NECAP2: variants seen among roughly 807,000 people sequenced by gnomAD.
NECAP2 encodes the protein adaptin ear-binding coat-associated protein 2.
NECAP2 carries 38 observed loss-of-function variants against 37.8 expected under a neutral mutation model. The ratio of observed to expected loss-of-function variants is 1.01; its 90% CI spans 0.78 to 1.32. The LOEUF (loss-of-function observed/expected upper bound fraction) is 1.32, where lower values mean the gene tolerates loss of function less well. NECAP2 is among the 40% of genes most tolerant of loss of function. The pLI is 0.00. For synonymous variants in NECAP2, 121 were observed against 127.7 expected (o/e 0.95, Z 0.35); for missense variants, 316 against 334.5 (o/e 0.94, Z 0.43).
chr1:16,458,858 A>G lies in NECAP2; in HGVS notation c.760A>G (p.Thr254Ala). ...TCTTTACAGATCAACTTCCAGCCAG[A>G]CCCAGCCAGGCACAGGCTGGGTCCA... ...TKSTGSTSSQTQPGTGWVQF is the reference protein window; with the variant it reads ...TKSTGSTSSQAQPGTGWVQF Residue 254 changes from threonine (T) to alanine (A), a missense_variant, in exon 8 of 8, where the codon ACC becomes GCC. Thr to Ala is a moderately conservative substitution (Grantham distance 58). This residue lies in a region of NECAP2 where 204 missense variants were observed against 188.6 expected (regional missense o/e 1.08). Transcript: ENST00000337132. 1 of 1,613,526 alleles carries G rather than the reference A, an allele frequency of 6.2e-7. No homozygotes were observed. Among genetic ancestry groups the G allele is most frequent in the Non-Finnish European group, 8.5e-7 (1 of 1,179,878 alleles).
chr1:16,447,809 T>G, intron 2 of NECAP2, 61 bp from the exon 3 acceptor site: 2 of 1,399,548 alleles, frequency 1.4e-6, no homozygotes, highest in East Asian at 4.6e-5. Context: ...AGTAGTGTGG[T>G]AGAAAACCTT....
chr1:16,457,289 C>T lies in NECAP2; in HGVS notation c.743+1396C>T, dbSNP rs924662068. Among the ~76,000 whole-genome samples the T allele has an allele frequency of 3.3e-5, 5 of 152,114 alleles. No homozygotes were observed. In the South Asian group the frequency reaches 8.3e-4, roughly 25 times the overall value. ...TGGCCAACATGGTCAAACCCCATCT[C>T]TACTAAATACACAAAAATTAGTTGG... On this transcript the variant is annotated intron_variant, in intron 7 of 7. Coordinates refer to ENST00000337132, the MANE Select transcript of NECAP2 (RefSeq NM_018090.5).
chr1:16,455,682 G>C (rs2086906212), intron 6 of NECAP2, 136 bp from the exon 7 acceptor site: 2 of 682,706 alleles, frequency 2.9e-6, no homozygotes, highest in African/African-American at 3.5e-5. Flanking sequence ...CATGTCTGGT[G>C]TGGCTTTCCC....
intron 4 of NECAP2, 52 bp downstream of exon 4, chr1:16,448,193 C>A: frequency 6.7e-7 from 1 of 1,496,150 alleles, no homozygotes; most frequent in South Asian, 1.1e-5. Flanking sequence ...TTTCCCTGGA[C>A]AGAATGATCT....
intron 2 of NECAP2, among the ~76,000 whole-genome samples, chr1:16,444,537 T>G (rs147764758): frequency 1.1e-3 from 160 of 152,352 alleles, no homozygotes; most frequent in Admixed American, 6.9e-3. Flanking sequence ...GGCCTTGGCC[T>G]CCTCCTTGTT....
At chr1:16,456,147 C>G (rs866553685) in intron 7 of NECAP2, among the ~76,000 whole-genome samples, 1 of 151,960 alleles carries the variant, frequency 6.6e-6, no homozygotes. Context: ...CCTCAGCCTC[C>G]TGAGTAGCTG....
chr1:16,444,289 A>G (rs7532070), intron 2 of NECAP2, among the ~76,000 whole-genome samples: 3,799 of 152,212 alleles, frequency 0.025, 70 homozygotes, highest in Middle Eastern at 0.041. Context: ...CCTCTGGGTG[A>G]GCTGTGGAGG....
chr1:16,443,703 C>T lies in NECAP2; in HGVS notation c.164C>T (p.Ala55Val), dbSNP rs779351472. The T allele has an allele frequency of 6.2e-7, 1 of 1,612,888 alleles. No individual in the cohort carries two copies. ...RLRITAKGQM[A>V]YIKLEDRTSG... ...AGGATCACTGCAAAGGGACAGATGG[C>T]CTACATCAAGCTGGAGGACAGGACG... Residue 55 changes from alanine (A) to valine (V), a missense_variant, in exon 2 of 8, where the codon GCC becomes GTC. Ala to Val is a moderately conservative substitution (Grantham distance 64, BLOSUM62 0). This residue lies in a region of NECAP2 where 81 missense variants were observed against 124.2 expected (regional missense o/e 0.65). Coordinates refer to ENST00000337132, the MANE Select transcript of NECAP2 (RefSeq NM_018090.5).
In NECAP2 at chr1:16,451,083, C is replaced by T. The variant is rs1268739326; in HGVS notation, c.490-755C>T. On this transcript the variant is annotated intron_variant, in intron 5 of 7. Coordinates refer to ENST00000337132, the MANE Select transcript of NECAP2 (RefSeq NM_018090.5). ...ACTGCCCTGAGTAACCCCATCCTGA[C>T]TTCACATACCCTAGATTTTGTTTGT... is the stretch of plus-strand genomic sequence containing the variant. 3 of 152,368 alleles carry T rather than the reference C, an allele frequency of 2.0e-5. No homozygotes were observed. The East Asian group carries it at 5.8e-4, about 29-fold the overall frequency. The allele number at this position is 152,368 out of a possible 1,614,324, so 9.4% of individuals were successfully genotyped here. A position where few individuals can be genotyped will look rare whatever the true frequency, so the allele number is the denominator to read the frequency against.
In NECAP2 at chr1:16,459,088, A is replaced by C. The variant is rs2086973206; in HGVS notation, c.*198A>C. 1.6e-6 allele frequency: 2 copies of C among 1,271,318 alleles called. No individual in the cohort carries two copies. Among genetic ancestry groups the C allele is most frequent in the African/African-American group, 3.0e-5 (2 of 66,182 alleles). The allele number at this position is 1,271,318 out of a possible 1,614,324, so 78.8% of individuals were successfully genotyped here. On this transcript the variant is annotated 3_prime_UTR_variant, in exon 8 of 8. Transcript: ENST00000337132. ...GTGTCACACTGTTTCCTGGGATTCA[A>C]GTATGCAACCAGAACACAGGAGAAG... is the stretch of plus-strand genomic sequence containing the variant.
intron 1 of NECAP2, among the ~76,000 whole-genome samples, chr1:16,442,913 C>A (rs1476180425): frequency 6.6e-6 from 1 of 152,156 alleles, no homozygotes; most frequent in Non-Finnish European, 1.5e-5. Flanking sequence ...CAGAGTGAGA[C>A]CCCGTCTCAA....
chr1:16,446,629 C>T (rs987184570), intron 2 of NECAP2, among the ~76,000 whole-genome samples: 1 of 151,988 alleles, frequency 6.6e-6, no homozygotes, highest in African/African-American at 2.4e-5. Flanking sequence ...ACTGCAGCCT[C>T]CAACTCCTGG....
intron 2 of NECAP2, among the ~76,000 whole-genome samples, chr1:16,447,496 C>G (rs899735151): frequency 1.3e-5 from 2 of 152,150 alleles, no homozygotes; most frequent in African/African-American, 4.8e-5. Context: ...TTCACCTGTT[C>G]TAGGACACTC....
Position 16,440,736 on chromosome 1 carries a change from A to T in NECAP2, c.-26A>T, listed in dbSNP as rs369886886. On this transcript the variant is annotated 5_prime_UTR_variant, in exon 1 of 8. Coordinates refer to ENST00000337132, the MANE Select transcript of NECAP2 (RefSeq NM_018090.5). ...ACAGAGGAACGGTGGAAGTCGCCGG[A>T]AGTTCGGTGGGCTCCAGGCGTCGCG... The T allele has an allele frequency of 1.9e-5, 31 of 1,604,032 alleles. No individual in the cohort carries two copies. The highest frequency in any genetic ancestry group is 2.6e-5 in the Non-Finnish European group (31 of 1,171,076).
intron 1 of NECAP2, chr1:16,441,208 C>CG: frequency 4.2e-6 from 1 of 240,046 alleles, no homozygotes; most frequent in South Asian, 7.5e-5. Flanking sequence ...AAGCCTTAAG[C>CG]GGGGAGGTGC....
rs1169045002 is a variant in NECAP2 at position 16,459,921 on chromosome 1, A to G, written c.*1031A>G. ...CCAGGGTTGCTTGGTTTACTGGTTT[A>G]TAAGAAATCTGAAAGCACCTCTGAC... On this transcript the variant is annotated 3_prime_UTR_variant, in exon 8 of 8. Coordinates refer to ENST00000337132, the MANE Select transcript of NECAP2 (RefSeq NM_018090.5). 6.6e-6 allele frequency: 1 copy of G among 152,216 alleles called. No individual in the cohort carries two copies. Among genetic ancestry groups the G allele is most frequent in the Non-Finnish European group, 1.5e-5 (1 of 68,038 alleles). The allele number at this position is 152,216 out of a possible 1,614,324, so 9.4% of individuals were successfully genotyped here.
intron 6 of NECAP2, among the ~76,000 whole-genome samples, chr1:16,452,834 G>A (rs937213276): frequency 6.7e-6 from 1 of 149,572 alleles, no homozygotes; most frequent in African/African-American, 2.4e-5. Flanking sequence ...CTGGGCGATT[G>A]TCACCAGCGT....
At chr1:16,451,766 C>A in intron 5 of NECAP2, 72 bp from the exon 6 acceptor site, 1 of 1,579,314 alleles carries the variant, frequency 6.3e-7, no homozygotes, top group South Asian at 1.1e-5. Flanking sequence ...CCTTGGCCCT[C>A]CTTGTGGGGT....
chr1:16,453,384 C>T (rs1397241749), intron 6 of NECAP2, among the ~76,000 whole-genome samples: 1 of 152,062 alleles, frequency 6.6e-6, no homozygotes, highest in Non-Finnish European at 1.5e-5. Flanking sequence ...GCTAGGACTA[C>T]AGGCGTGAGC....
Sources: allele counts gnomAD v4.1 joint callset (sites outside exome capture counted in the v4.1 genomes callset), GRCh38; gene constraint gnomAD v4.1.1; regional missense constraint gnomAD v4.1.1; transcripts MANE v1.5; gene names NCBI Gene and HGNC (gene_info 2026-07-23, HGNC 2026-07-21).